The following GVQW3 variants were observed in gnomAD, a reference collection of about 807,000 sequenced individuals.
The protein encoded by GVQW3 is GVQW motif containing 3, also known as protein GVQW3.
Under a neutral mutation model 12.5 loss-of-function variants are expected in GVQW3, and 7 were observed. The observed-to-expected ratio is 0.56, with a 90% CI of 0.32 to 1.05. GVQW3 has a LOEUF of 1.05. Ranked by LOEUF, GVQW3 falls within the 50% of genes least tolerant of loss-of-function variation. The pLI, the probability that GVQW3 is intolerant of heterozygous loss-of-function variation, is 0.04. For synonymous variants in GVQW3, 71 were observed against 67.2 expected, an observed-to-expected ratio of 1.06 and a Z score of -0.28; for missense variants, 188 against 190.8, an observed-to-expected ratio of 0.99 and a Z score of 0.09.
chr11:76,394,145 T>G (rs1946918941), intron 1 of GVQW3, among the ~76,000 whole-genome samples: 2 of 152,202 alleles, frequency 1.3e-5, no homozygotes, highest in South Asian at 4.1e-4. Context: ...GTGATCTGCC[T>G]GCCTTGGCCT....
chr11:76,381,672 A>G lies in GVQW3; in HGVS notation c.-157A>G, dbSNP rs1373717145. 3 of 688,588 alleles carry G rather than the reference A, an allele frequency of 4.4e-6. No homozygotes were observed. Among genetic ancestry groups the G allele is most frequent in the Non-Finnish European group, 6.9e-6 (3 of 433,192 alleles). The allele number at this position is 688,588 out of a possible 1,614,324, so 42.7% of individuals were successfully genotyped here. A position where few individuals can be genotyped will look rare whatever the true frequency, so the allele number is the denominator to read the frequency against. On this transcript the variant is annotated 5_prime_UTR_variant, in exon 1 of 2. Coordinates refer to ENST00000529331, the MANE Select transcript of GVQW3 (RefSeq NM_001347885.2). The stretch of plus-strand genomic sequence containing the variant: ...CCCAGCCTCGACTGGAAGCTGAGGG[A>G]CAAAAATTCATAAAAGCAATTACTC...
exon 2 of GVQW3, chr11:76,414,065 G>A (rs911768313): frequency 6.6e-6 from 1 of 152,108 alleles, no homozygotes; most frequent in Admixed American, 6.5e-5. Context: ...CTGGGCCCTG[G>A]TCACAAACTT....
At chr11:76,382,353 G>T in intron 1 of GVQW3, 60 bp downstream of exon 1, 1 of 1,085,022 alleles carries the variant, frequency 9.2e-7, no homozygotes, top group Non-Finnish European at 1.4e-6. Flanking sequence ...AAATGCCCCT[G>T]CCGGTATCCC....
Position 76,407,005 on chromosome 11 carries a change from C to G in GVQW3, c.*3247C>G, listed in dbSNP as rs1001625653. 2.0e-5 allele frequency: 3 copies of G among 151,716 alleles called. No individual in the cohort carries two copies. The highest frequency in any genetic ancestry group is 7.3e-5 in the African/African-American group (3 of 41,264). 9.4% of individuals were successfully genotyped at this position (151,716 alleles called of 1,614,324 possible). On this transcript the variant is annotated 3_prime_UTR_variant, in exon 2 of 2. Coordinates refer to ENST00000529331, the MANE Select transcript of GVQW3 (RefSeq NM_001347885.2). Reference sequence around the variant, plus strand: ...CCTGGGCTACAGAGCGAGACTCTGTCTCAAAAAATAAATAAAATAAAATAA... The same window carrying G: ...CCTGGGCTACAGAGCGAGACTCTGTGTCAAAAAATAAATAAAATAAAATAA...
chr11:76,387,960 CTG>C (rs1166245125), intron 1 of GVQW3, among the ~76,000 whole-genome samples: 1 of 152,154 alleles, frequency 6.6e-6, no homozygotes, highest in East Asian at 1.9e-4. Context: ...TGGAGGGACT[CTG>C]TGGAGCCAGG....
chr11:76,381,829 ATGAG>A lies in GVQW3; in HGVS notation c.5_8del (p.Ser2_?3). On this transcript the variant is annotated frameshift_variant and start_lost, in exon 1 of 2. Transcript: ENST00000529331. LOFTEE classifies it high-confidence loss of function. ...CGTTCCTGTGTTGTTCAGTGCCAGAATGAGTGACCGCTATTTAGAACAAAGGATT... is the reference window on the plus strand; with the variant it reads ...CGTTCCTGTGTTGTTCAGTGCCAGAATGACCGCTATTTAGAACAAAGGATT... 3 of 1,525,886 alleles carry A rather than the reference ATGAG, an allele frequency of 2.0e-6. No individual in the cohort carries two copies. The highest frequency in any genetic ancestry group is 2.6e-6 in the Non-Finnish European group (3 of 1,141,884). The allele number at this position is 1,525,886 out of a possible 1,614,324, so 94.5% of individuals were successfully genotyped here.
At chr11:76,402,483 G>T (rs2134561444) in intron 1 of GVQW3, among the ~76,000 whole-genome samples, 1 of 151,658 alleles carries the variant, frequency 6.6e-6, no homozygotes, top group South Asian at 2.1e-4. Context: ...AACCCAGGAG[G>T]CAGAGGTTGC....
In GVQW3 at chr11:76,404,219, T is replaced by C. The variant is rs1947018328; in HGVS notation, c.*461T>C. Reference sequence around the variant, plus strand: ...TCAATCTGTGACTGACAGTGAACAATTGATTGAGATAACTCACTACCTTTG... The same window carrying C: ...TCAATCTGTGACTGACAGTGAACAACTGATTGAGATAACTCACTACCTTTG... On this transcript the variant is annotated 3_prime_UTR_variant, in exon 2 of 2. Coordinates refer to ENST00000529331, the MANE Select transcript of GVQW3 (RefSeq NM_001347885.2). 2 of 389,656 alleles carry C rather than the reference T, an allele frequency of 5.1e-6. No homozygotes were observed. The highest frequency in any genetic ancestry group is 4.4e-5 in the Admixed American group (1 of 22,496). 24.1% of individuals were successfully genotyped at this position (389,656 alleles called of 1,614,324 possible).
chr11:76,386,239 C>T (rs1946832288), intron 1 of GVQW3, among the ~76,000 whole-genome samples: 1 of 152,236 alleles, frequency 6.6e-6, no homozygotes. Flanking sequence ...TCCATCACCC[C>T]ACCCTACCTT....
chr11:76,393,068 C>T (rs79644141), intron 1 of GVQW3, among the ~76,000 whole-genome samples: 202 of 152,302 alleles, frequency 1.3e-3, no homozygotes, highest in African/African-American at 4.8e-3. Flanking sequence ...TGCCGCTATA[C>T]TGTACCATGA....
Position 76,403,774 on chromosome 11 carries a change from CA to C in GVQW3, c.*20del. 1 of 550,072 alleles carries C rather than the reference CA, an allele frequency of 1.8e-6. No individual in the cohort carries two copies. The highest frequency in any genetic ancestry group is 3.3e-6 in the Non-Finnish European group (1 of 299,978). The allele number at this position is 550,072 out of a possible 1,614,324, so 34.1% of individuals were successfully genotyped here. ...ATCAGCATGAGCCACCATGCCAAGC[CA>C]AAACCAGGAGTTCAATGGTGTAAAT... On this transcript the variant is annotated 3_prime_UTR_variant, in exon 2 of 2. Coordinates refer to ENST00000529331, the MANE Select transcript of GVQW3 (RefSeq NM_001347885.2).
downstream of GVQW3, chr11:76,413,037 A>T (rs892396065): frequency 1.3e-5 from 2 of 152,174 alleles, no homozygotes; most frequent in East Asian, 3.9e-4. Context: ...TTCGTTGCGA[A>T]TTTTTTTTAT....
At chr11:76,390,688 G>A (rs1308023025) in intron 1 of GVQW3, among the ~76,000 whole-genome samples, 6 of 152,260 alleles carry the variant, frequency 3.9e-5, no homozygotes, top group African/African-American at 7.2e-5. Flanking sequence ...TTAGCCGGGC[G>A]CGGTGGCGGG....
intron 1 of GVQW3, among the ~76,000 whole-genome samples, chr11:76,384,005 A>C (rs1266761132): frequency 6.6e-6 from 1 of 152,200 alleles, no homozygotes; most frequent in Non-Finnish European, 1.5e-5. Flanking sequence ...CCCGACAAGC[A>C]GTTTCTGCAA....
Position 76,381,927 on chromosome 11 carries a change from T to C in GVQW3, c.99T>C (p.Tyr33=). ...CCCACCATCTTTTAAAAGAAGCTTA[T>C]GGGGATGAAGTCATGTCAAGGGCCA... ...SETHHLLKEA[Y]GDEVMSRARV... is the part of the protein sequence containing the mutation. The change falls in exon 1 of 2, where the codon TAT becomes TAC. Residue 33 remains tyrosine, a synonymous_variant. Transcript: ENST00000529331. The C allele has an allele frequency of 8.5e-6, 13 of 1,536,370 alleles. No homozygotes were observed. Among genetic ancestry groups the C allele is most frequent in the African/African-American group, 1.4e-5 (1 of 73,152 alleles).
chr11:76,393,478 T>C (rs1408017934), intron 1 of GVQW3, among the ~76,000 whole-genome samples: 2 of 152,222 alleles, frequency 1.3e-5, no homozygotes, highest in Non-Finnish European at 2.9e-5. Flanking sequence ...GCTCCTGTGC[T>C]ATTTGGCTTG....
At chr11:76,412,333 A>T (rs777661972), downstream of GVQW3, 2 of 152,286 alleles carry the variant, frequency 1.3e-5, no homozygotes, top group African/African-American at 2.4e-5. Context: ...ATTCCCCAAA[A>T]GGAGACTGGA....
rs575637619 is a variant in GVQW3, at chr11:76,381,710, G to T, written c.-119G>T. 9 of 937,970 alleles carry T rather than the reference G, an allele frequency of 9.6e-6. No individual in the cohort carries two copies. The highest frequency in any genetic ancestry group is 6.7e-5 in the African/African-American group (4 of 60,058). 58.1% of individuals were successfully genotyped at this position (937,970 alleles called of 1,614,324 possible). ...AAAGCAATTACTCTTTCCCGGCGAG[G>T]CTTCTAGAAGAGCAAGAAGAGCGAT... On this transcript the variant is annotated 5_prime_UTR_variant, in exon 1 of 2. Coordinates refer to ENST00000529331, the MANE Select transcript of GVQW3 (RefSeq NM_001347885.2).
chr11:76,399,104 T>C (rs1367713832), intron 1 of GVQW3, among the ~76,000 whole-genome samples: 1 of 151,874 alleles, frequency 6.6e-6, no homozygotes, highest in Non-Finnish European at 1.5e-5. Flanking sequence ...AATTGTATTG[T>C]ATTGTATTTT....
Sources: allele counts gnomAD v4.1 joint callset (sites outside exome capture counted in the v4.1 genomes callset), GRCh38; gene constraint gnomAD v4.1.1; transcripts MANE v1.5; gene names NCBI Gene and HGNC (gene_info 2026-07-23, HGNC 2026-07-21).